The following PLEK2 variants were observed in gnomAD, a reference collection of about 807,000 sequenced individuals.
PLEK2 encodes pleckstrin-2.
A neutral mutation model predicts 43.8 loss-of-function variants in PLEK2; 29 were observed. That is an observed-to-expected ratio of 0.66 (90% CI 0.49 to 0.90). The LOEUF is 0.90. Ranked by LOEUF, PLEK2 falls within the 40% of genes least tolerant of loss-of-function variation. The pLI is 0.00. For synonymous variants in PLEK2, 162 were observed against 173.2 expected (o/e 0.94, Z 0.51); for missense variants, 398 against 448.1 (o/e 0.89, Z 1.01).
At chr14:67,391,874 C>A (rs564759321) in intron 6 of PLEK2, among the ~76,000 whole-genome samples, 40 of 152,104 alleles carry the variant, frequency 2.6e-4, no homozygotes, top group African/African-American at 9.7e-4. Flanking sequence ...TTCAACCTAC[C>A]GACATGGTGG....
chr14:67,395,562 G>C lies in PLEK2; in HGVS notation c.229C>G (p.Gln77Glu). The C allele has an allele frequency of 6.2e-7, 1 of 1,614,166 alleles. No homozygotes were observed. The highest frequency in any genetic ancestry group is 1.1e-5 in the South Asian group (1 of 91,080). The change falls in exon 3 of 9, where the codon CAA (glutamine) becomes GAA (glutamate). Residue 77 changes from glutamine (Q) to glutamate (E), a missense_variant. Coordinates refer to ENST00000216446, the MANE Select transcript of PLEK2 (RefSeq NM_016445.3). ...NRPLLIKLKTQTSTEYFLEAC... is the reference protein window; with the variant it reads ...NRPLLIKLKTETSTEYFLEAC... Reference sequence around the variant, plus strand: ...TCCAGGAAGTACTCCGTGGATGTTTGAGTCTTCAGCTTAATGAGGAGCTGT... The same window carrying C: ...TCCAGGAAGTACTCCGTGGATGTTTCAGTCTTCAGCTTAATGAGGAGCTGT...
intron 1 of PLEK2, among the ~76,000 whole-genome samples, chr14:67,409,546 C>A (rs2086103075): frequency 6.6e-6 from 1 of 152,212 alleles, no homozygotes; most frequent in African/African-American, 2.4e-5. Flanking sequence ...GCTTCTGTCT[C>A]TTCTCCCAGG....
At position 67,388,742 on chromosome 14, in the gene PLEK2, C is replaced by T. The variant is rs557366445; in HGVS notation, c.856-440G>A. 5.0e-4 allele frequency among the ~76,000 whole-genome samples: 76 copies of T among 152,232 alleles called. 1 individual carries two copies. The highest frequency in any genetic ancestry group is 4.8e-5 in the African/African-American group (2 of 41,516). Reference sequence around the variant, plus strand: ...TCTTTCAGGCTGGAGTGCAGAGGCACGATCTCGGCTCACTGCAACCTCTGC... The same window carrying T: ...TCTTTCAGGCTGGAGTGCAGAGGCATGATCTCGGCTCACTGCAACCTCTGC... On this transcript the variant is annotated intron_variant, in intron 7 of 8. Transcript: ENST00000216446.
At chr14:67,390,855 G>A in intron 6 of PLEK2, 109 bp from the exon 7 acceptor site, 1 of 805,330 alleles carries the variant, frequency 1.2e-6, no homozygotes, top group Non-Finnish European at 2.2e-6. Flanking sequence ...GCTCCAATGG[G>A]ACTACATTCT....
chr14:67,391,724 C>G (rs1000927481), intron 6 of PLEK2, among the ~76,000 whole-genome samples: 2 of 152,166 alleles, frequency 1.3e-5, no homozygotes, highest in African/African-American at 4.8e-5. Flanking sequence ...CACAGAATAC[C>G]CTTTTTGTTA....
At position 67,387,455 on chromosome 14, in the gene PLEK2, C is replaced by T. The variant is rs771045605; in HGVS notation, c.936G>A (p.Gly312=). The T allele has an allele frequency of 2.5e-6, 4 of 1,602,242 alleles. No homozygotes were observed. The highest frequency in any genetic ancestry group is 1.7e-5 in the Admixed American group (1 of 57,188). Residue 312 remains glycine, a splice_region_variant and synonymous_variant, in exon 9 of 9, where the codon GGG becomes GGA. Transcript: ENST00000216446. ...GGTTTCCCTGGACATTCCCTTTAAC[C>T]CCTAGGCAGAAAAAAGGGGGAAAAA... ...SALEDNGVPT[G]VKGNVQGNLF... is the part of the protein sequence containing the mutation.
intron 3 of PLEK2, 60 bp from the exon 4 acceptor site, chr14:67,393,301 G>A (rs1027735634): frequency 4.2e-5 from 48 of 1,145,914 alleles, no homozygotes; most frequent in Non-Finnish European, 5.7e-5. Flanking sequence ...GTATAAGGGA[G>A]GGTCCTGAGT....
chr14:67,401,820 A>G (rs146269295), intron 1 of PLEK2, among the ~76,000 whole-genome samples: 2 of 152,238 alleles, frequency 1.3e-5, no homozygotes, highest in African/African-American at 4.8e-5. Flanking sequence ...ACCAACAGAT[A>G]TCGGGCAGAA....
At position 67,390,738 on chromosome 14, in the gene PLEK2, C is replaced by G. The variant is rs755007920; in HGVS notation, c.780G>C (p.Lys260Asn). 6.2e-7 allele frequency: 1 copy of G among 1,611,604 alleles called. No homozygotes were observed. Among genetic ancestry groups the G allele is most frequent in the East Asian group, 2.2e-5 (1 of 44,862 alleles). The change falls in exon 7 of 9, where the codon AAG becomes AAC. Residue 260 changes from lysine to asparagine, a missense_variant. Physicochemically the swap from Lys to Asn is moderately conservative, Grantham distance 94. Transcript: ENST00000216446. ...KQGYLAKQGH[K>N]RKNWKVRRFV... ...AGCGACGCACCTTCCAGTTTTTCCT[C>G]TTGTGTCCCTGAGGCAAAGAAATGG...
chr14:67,391,842 C>G (rs1256826135), intron 6 of PLEK2, among the ~76,000 whole-genome samples: 1 of 152,088 alleles, frequency 6.6e-6, no homozygotes, highest in South Asian at 2.1e-4. Context: ...GAATAGGGAG[C>G]CTTACAGTGG....
At chr14:67,395,352 C>T (rs368939061) in intron 3 of PLEK2, 50 bp downstream of exon 3, 231 of 1,560,270 alleles carry the variant, frequency 1.5e-4, no homozygotes, top group Non-Finnish European at 2.0e-4. Flanking sequence ...CCTGCCCACC[C>T]AACACAGGCA....
intron 1 of PLEK2, among the ~76,000 whole-genome samples, chr14:67,410,339 G>A (rs562289859): frequency 3.9e-4 from 59 of 152,058 alleles, no homozygotes; most frequent in Non-Finnish European, 8.5e-4. Flanking sequence ...CTCTACCAGG[G>A]CCCAGCTATA....
chr14:67,393,246 A>G lies in PLEK2; in HGVS notation c.390-5T>C. On this transcript the variant is annotated splice_region_variant and splice_polypyrimidine_tract_variant and intron_variant, in intron 3 of 8. Coordinates refer to ENST00000216446, the MANE Select transcript of PLEK2 (RefSeq NM_016445.3). ...TGCATCTTGTCCACAATGCGACTAC[A>G]TGGAAGGGAAGGCAAAGGAGAGGGA... 6.2e-7 allele frequency: 1 copy of G among 1,609,018 alleles called. No homozygotes were observed. The highest frequency in any genetic ancestry group is 2.2e-5 in the East Asian group (1 of 44,842).
chr14:67,391,229 C>T (rs542411672), intron 6 of PLEK2, among the ~76,000 whole-genome samples: 2 of 151,476 alleles, frequency 1.3e-5, no homozygotes, highest in East Asian at 1.9e-4. Flanking sequence ...AAGCAAGAAA[C>T]GATCAATTAT....
rs1476897589 is a variant in PLEK2 at position 67,393,113 on chromosome 14, C to T, written c.481+37G>A. ...TGAGCCCTGCATCACCATGTCCCAG[C>T]TTGACTGCCCAGCCCGGCCCTGGGG... On this transcript the variant is annotated intron_variant, in intron 4 of 8. Transcript: ENST00000216446. The T allele has an allele frequency of 3.4e-6, 5 of 1,478,968 alleles. No homozygotes were observed. In the South Asian group the frequency reaches 5.7e-5, roughly 17 times the overall value. The allele number at this position is 1,478,968 out of a possible 1,614,324, so 91.6% of individuals were successfully genotyped here. A position where few individuals can be genotyped will look rare whatever the true frequency, so the allele number is the denominator to read the frequency against.
chr14:67,391,547 G>T (rs970656738), intron 6 of PLEK2, among the ~76,000 whole-genome samples: 1 of 152,168 alleles, frequency 6.6e-6, no homozygotes, highest in Non-Finnish European at 1.5e-5. Context: ...CAGGAAGCAG[G>T]TGACAGCAAC....
intron 5 of PLEK2, 71 bp downstream of exon 5, chr14:67,392,591 C>T (rs1036405416): frequency 2.9e-5 from 41 of 1,419,114 alleles, no homozygotes; most frequent in Non-Finnish European, 3.7e-5. Flanking sequence ...CTGTGGCCCC[C>T]AGGCCCCCAT....
intron 2 of PLEK2, 48 bp downstream of exon 2, chr14:67,397,614 G>C: frequency 6.6e-7 from 1 of 1,514,892 alleles, no homozygotes; most frequent in South Asian, 1.2e-5. Flanking sequence ...CCAGAGGTGG[G>C]AAGGCTGTGG....
intron 3 of PLEK2, among the ~76,000 whole-genome samples, chr14:67,393,746 G>T (rs999250278): frequency 6.6e-6 from 1 of 152,120 alleles, no homozygotes. Context: ...GAGCCACCGT[G>T]CCTGGCCTGA....
Sources: allele counts gnomAD v4.1 joint callset (sites outside exome capture counted in the v4.1 genomes callset), GRCh38; gene constraint gnomAD v4.1.1; transcripts MANE v1.5; gene names NCBI Gene and HGNC (gene_info 2026-07-23, HGNC 2026-07-21).